The following PCDHA7 variants were observed in gnomAD, a reference collection of about 807,000 sequenced individuals.
PCDHA7 encodes protocadherin alpha-7.
A neutral mutation model predicts 57.2 loss-of-function variants in PCDHA7; 37 were observed. The observed-to-expected ratio is 0.65, with a 90% CI of 0.50 to 0.85. PCDHA7 has a LOEUF of 0.85. PCDHA7 is among the 40% of genes least tolerant of loss of function. PCDHA7 has a pLI of 0.00. For synonymous variants in PCDHA7, 553 were observed against 558.8 expected (o/e 0.99, Z 0.15); for missense variants, 1,188 against 1,241.8 (o/e 0.96, Z 0.65).
intron 1 of PCDHA7, among the ~76,000 whole-genome samples, chr5:140,961,630 C>A (rs1387087976): frequency 1.3e-5 from 2 of 152,136 alleles, no homozygotes; most frequent in Non-Finnish European, 2.9e-5. Context: ...ATATGAAAAA[C>A]AATCTTAAGT....
chr5:140,890,190 A>C (rs1213958471), intron 1 of PCDHA7, among the ~76,000 whole-genome samples: 3 of 152,084 alleles, frequency 2.0e-5, no homozygotes, highest in Middle Eastern at 3.2e-3. Flanking sequence ...TACAAAACAG[A>C]GTTTTTTGTT....
intron 1 of PCDHA7, among the ~76,000 whole-genome samples, chr5:140,879,282 A>T (rs1554170732): frequency 1.3e-5 from 2 of 152,238 alleles, no homozygotes; most frequent in Non-Finnish European, 2.9e-5. Context: ...ACTCAATACA[A>T]ATGATAAGAG....
intron 1 of PCDHA7, among the ~76,000 whole-genome samples, chr5:140,964,396 G>A (rs2095829712): frequency 6.6e-6 from 1 of 152,188 alleles, no homozygotes; most frequent in South Asian, 2.1e-4. Flanking sequence ...TTTCTCCCAA[G>A]ACATGACATT....
chr5:140,870,514 T>C lies in PCDHA7; in HGVS notation c.2355+33776T>C, dbSNP rs1554164347. ...CGTGAAGGAGAACAACCCACCAGGC[T>C]GCCACATCTTCACAGTGTCGGCGCG... On this transcript the variant is annotated intron_variant, in intron 1 of 3. Transcript: ENST00000525929. The C allele has an allele frequency of 3.7e-6, 6 of 1,614,224 alleles. No homozygotes were observed. In the East Asian group the frequency reaches 1.3e-4, roughly 36 times the overall value.
intron 1 of PCDHA7, chr5:140,853,041 C>G (rs1158374492): frequency 1.9e-5 from 5 of 267,262 alleles, no homozygotes; most frequent in Non-Finnish European, 3.0e-5. Context: ...ACCATGCCCG[C>G]CTAATTTTTT....
At chr5:140,992,471 A>G (rs1563581785) in intron 3 of PCDHA7, among the ~76,000 whole-genome samples, 1 of 152,186 alleles carries the variant, frequency 6.6e-6, no homozygotes, top group Non-Finnish European at 1.5e-5. Context: ...TACTCTTTAG[A>G]TCACCCAGAG....
At chr5:140,901,405 G>A (rs1366026091) in intron 1 of PCDHA7, among the ~76,000 whole-genome samples, 1 of 152,128 alleles carries the variant, frequency 6.6e-6, no homozygotes, top group Non-Finnish European at 1.5e-5. Flanking sequence ...TGAGAGATAG[G>A]GGTCTAGTTT....
intron 1 of PCDHA7, among the ~76,000 whole-genome samples, chr5:140,970,530 T>C (rs1554232541): frequency 6.6e-6 from 1 of 151,424 alleles, no homozygotes; most frequent in Non-Finnish European, 1.5e-5. Context: ...GATGAATATG[T>C]GTGTGTGTTT....
rs2043502208 is a variant in PCDHA7 at position 140,855,508 on chromosome 5, C to T, written c.2355+18770C>T. ...AGTGTCTAAATAAACCTTATTAAATCTCAAAATAATGAGAAAGAGAAGTAA... is the reference window on the plus strand; with the variant it reads ...AGTGTCTAAATAAACCTTATTAAATTTCAAAATAATGAGAAAGAGAAGTAA... On this transcript the variant is annotated intron_variant, in intron 1 of 3. Transcript: ENST00000525929. 1.3e-5 allele frequency among the ~76,000 whole-genome samples: 2 copies of T among 149,732 alleles called. 1 individual carries two copies. The highest frequency in any genetic ancestry group is 3.0e-5 in the Non-Finnish European group (2 of 67,030).
At chr5:140,946,038 G>T (rs782421286) in intron 1 of PCDHA7, among the ~76,000 whole-genome samples, 29 of 152,042 alleles carry the variant, frequency 1.9e-4, no homozygotes, top group Non-Finnish European at 4.0e-4. Flanking sequence ...CAAGAGTGAA[G>T]GGACAATCCA....
intron 1 of PCDHA7, among the ~76,000 whole-genome samples, chr5:140,933,899 G>T (rs2089496307): frequency 6.6e-6 from 1 of 151,508 alleles, no homozygotes; most frequent in African/African-American, 2.4e-5. Flanking sequence ...TGAATATTTT[G>T]GCATAAAGTT....
chr5:140,988,119 A>T (rs1238767411), intron 3 of PCDHA7, among the ~76,000 whole-genome samples: 1 of 152,174 alleles, frequency 6.6e-6, no homozygotes, highest in Non-Finnish European at 1.5e-5. Context: ...TTTAGAAAGC[A>T]TGCTGTTCCA....
chr5:140,881,376 C>T (rs1487314933), intron 1 of PCDHA7: 2 of 984,636 alleles, frequency 2.0e-6, no homozygotes, highest in South Asian at 4.7e-5. Context: ...GAATTGCAGC[C>T]GGCGGCGGTA....
intron 1 of PCDHA7, chr5:140,967,393 G>A (rs1437861925): frequency 1.2e-6 from 2 of 1,609,910 alleles, no homozygotes; most frequent in African/African-American, 2.7e-5. Flanking sequence ...TGCTTGAGCT[G>A]GTGCTGCGTA....
intron 1 of PCDHA7, among the ~76,000 whole-genome samples, chr5:140,855,119 T>C (rs2043346913): frequency 1.3e-5 from 2 of 149,812 alleles, no homozygotes; most frequent in African/African-American, 4.9e-5. Flanking sequence ...AGGCATTCTA[T>C]AGGTAATAAT....
At chr5:140,934,533 C>T (rs1418320473) in intron 1 of PCDHA7, among the ~76,000 whole-genome samples, 5 of 152,086 alleles carry the variant, frequency 3.3e-5, no homozygotes, top group African/African-American at 4.8e-5. Flanking sequence ...CGAGAGCTAC[C>T]GTTCTAATTC....
chr5:140,874,040 T>G (rs1303509988), intron 1 of PCDHA7, among the ~76,000 whole-genome samples: 7 of 152,220 alleles, frequency 4.6e-5, no homozygotes, highest in Admixed American at 4.6e-4. Flanking sequence ...AGAAACTTGG[T>G]GATGATATTA....
At chr5:140,934,926 G>C (rs1054459840) in intron 1 of PCDHA7, among the ~76,000 whole-genome samples, 1 of 152,116 alleles carries the variant, frequency 6.6e-6, no homozygotes, top group African/African-American at 2.4e-5. Flanking sequence ...TTCACATAAA[G>C]TTACAAAACT....
In PCDHA7 at chr5:140,835,557, C is replaced by CG; in HGVS notation, c.1175dup (p.Val393ArgfsTer30). ...ACAGGTTACCTGCTCCCTGACGCCCCGCGTTCCCTTCAAGTTGGTGTCCAC... is the reference window on the plus strand; with the variant it reads ...ACAGGTTACCTGCTCCCTGACGCCCCGGCGTTCCCTTCAAGTTGGTGTCCAC... On this transcript the variant is annotated frameshift_variant, in exon 1 of 4. Transcript: ENST00000525929. LOFTEE classifies it high-confidence loss of function. 8 of 1,613,936 alleles carry CG rather than the reference C, an allele frequency of 5.0e-6. No individual in the cohort carries two copies. The highest frequency in any genetic ancestry group is 1.3e-5 in the African/African-American group (1 of 75,048).
Sources: gnomAD v4.1 joint callset for allele counts (sites outside exome capture counted in the v4.1 genomes callset) on GRCh38, gnomAD v4.1.1 for gene constraint, MANE v1.5 for transcripts, NCBI Gene and HGNC (gene_info 2026-07-23, HGNC 2026-07-21) for gene names.